Variants in WDFY3 observed in about 807,000 individuals in gnomAD.
The protein encoded by WDFY3 is WD repeat and FYVE domain-containing protein 3.
A neutral mutation model predicts 409.6 loss-of-function variants in WDFY3; 66 were observed. That is an observed-to-expected ratio of 0.16 (90% CI 0.13 to 0.20). The LOEUF (loss-of-function observed/expected upper bound fraction) is 0.20. WDFY3 is among the 10% of genes least tolerant of loss of function. The pLI is 1.00. For missense variants in WDFY3, 3,031 were observed against 4,298.1 expected (o/e 0.71, Z 8.24); for synonymous variants, 1,521 against 1,537.1 (o/e 0.99, Z 0.25).
At chr4:84,677,834 A>G (rs1278498739) in intron 66 of WDFY3, among the ~76,000 whole-genome samples, 1 of 151,496 alleles carries the variant, frequency 6.6e-6, no homozygotes, top group Non-Finnish European at 1.5e-5. Context: ...GTGATGGTGC[A>G]CGCCTATAGT....
chr4:84,925,709 A>G (rs1377009760), intron 2 of WDFY3, among the ~76,000 whole-genome samples: 1 of 152,198 alleles, frequency 6.6e-6, no homozygotes, highest in Non-Finnish European at 1.5e-5. Flanking sequence ...TAATTAATAC[A>G]GTGGTCATGT....
At chr4:84,682,131 T>C (rs1727467681) in intron 64 of WDFY3, among the ~76,000 whole-genome samples, 1 of 152,112 alleles carries the variant, frequency 6.6e-6, no homozygotes, top group African/African-American at 2.4e-5. Flanking sequence ...AGGAAGTAAG[T>C]GCTATATTTA....
At chr4:84,705,914 C>T (rs1731854208) in intron 53 of WDFY3, among the ~76,000 whole-genome samples, 3 of 152,130 alleles carry the variant, frequency 2.0e-5, no homozygotes, top group African/African-American at 7.2e-5. Context: ...TCAGATCTCC[C>T]TTGTGTCCTC....
intron 1 of WDFY3, among the ~76,000 whole-genome samples, chr4:84,965,374 A>C (rs1775501609): frequency 6.6e-6 from 1 of 152,254 alleles, no homozygotes; most frequent in African/African-American, 2.4e-5. Context: ...ACCATTTTTA[A>C]GGTACTGGAA....
intron 42 of WDFY3, among the ~76,000 whole-genome samples, chr4:84,735,599 G>C (rs1338739312): frequency 6.6e-6 from 1 of 152,130 alleles, no homozygotes; most frequent in Non-Finnish European, 1.5e-5. Flanking sequence ...TTGATCCCAA[G>C]GGCACCCCCT....
chr4:84,927,684 A>G (rs1236165911), intron 2 of WDFY3, among the ~76,000 whole-genome samples: 1 of 152,100 alleles, frequency 6.6e-6, no homozygotes, highest in Non-Finnish European at 1.5e-5. Flanking sequence ...TGATGGTTTT[A>G]TAAGTGTCTG....
At chr4:84,817,882 G>A (rs1275258850) in intron 12 of WDFY3, among the ~76,000 whole-genome samples, 1 of 152,112 alleles carries the variant, frequency 6.6e-6, no homozygotes, top group Non-Finnish European at 1.5e-5. Context: ...CAGACCCTAG[G>A]AGACTCTCTA....
intron 2 of WDFY3, among the ~76,000 whole-genome samples, chr4:84,926,536 T>C (rs1414702998): frequency 6.6e-6 from 1 of 152,182 alleles, no homozygotes; most frequent in African/African-American, 2.4e-5. Context: ...CTGAGTTCCC[T>C]TCCAGCTTTT....
At chr4:84,674,665 C>T (rs1725955015) in intron 67 of WDFY3, among the ~76,000 whole-genome samples, 1 of 151,332 alleles carries the variant, frequency 6.6e-6, no homozygotes, top group East Asian at 2.0e-4. Flanking sequence ...GTCAGGAGTT[C>T]GAGACGAGCC....
chr4:84,860,617 C>T lies in WDFY3; in HGVS notation c.-26G>A, dbSNP rs774198486. On this transcript the variant is annotated 5_prime_UTR_variant, in exon 4 of 68. Coordinates refer to ENST00000295888, the MANE Select transcript of WDFY3 (RefSeq NM_014991.6). ...CTTGGCTGGTTGGTGAGACGCACTT[C>T]TAATTCTGTAGGAAAATGTCAATAC... is the stretch of plus-strand genomic sequence containing the variant. The T allele has an allele frequency of 1.3e-6, 2 of 1,572,372 alleles. No homozygotes were observed. The highest frequency in any genetic ancestry group is 4.6e-5 in the East Asian group (2 of 43,868).
intron 40 of WDFY3, among the ~76,000 whole-genome samples, chr4:84,737,924 T>G (rs929784022): frequency 6.6e-6 from 1 of 151,946 alleles, no homozygotes; most frequent in Admixed American, 6.5e-5. Context: ...TAGGTCAGAG[T>G]AGGGCAACAG....
chr4:84,897,681 T>C (rs1025209413), intron 2 of WDFY3, among the ~76,000 whole-genome samples: 1 of 152,156 alleles, frequency 6.6e-6, no homozygotes, highest in East Asian at 1.9e-4. Flanking sequence ...TGGGCAAAGG[T>C]GGCTCTAAAT....
intron 3 of WDFY3, among the ~76,000 whole-genome samples, chr4:84,876,885 T>C (rs1194110395): frequency 6.6e-6 from 1 of 152,210 alleles, no homozygotes; most frequent in African/African-American, 2.4e-5. Context: ...ACATCTTACG[T>C]ATCTCCTGAT....
At chr4:84,784,141 G>A (rs1317324610) in intron 24 of WDFY3, among the ~76,000 whole-genome samples, 1 of 152,054 alleles carries the variant, frequency 6.6e-6, no homozygotes, top group Non-Finnish European at 1.5e-5. Flanking sequence ...CTCACTGACT[G>A]CTACTTCTCA....
chr4:84,738,045 T>C (rs1053842606), intron 40 of WDFY3, among the ~76,000 whole-genome samples: 1 of 152,208 alleles, frequency 6.6e-6, no homozygotes, highest in African/African-American at 2.4e-5. Context: ...ACCGCATCTT[T>C]GGTGTTTAGG....
At chr4:84,782,898 G>A (rs1746815779) in intron 25 of WDFY3, 65 bp downstream of exon 25, 2 of 1,493,886 alleles carry the variant, frequency 1.3e-6, no homozygotes. Flanking sequence ...CCTTAAGTGA[G>A]GAAAGTGAAT....
intron 25 of WDFY3, among the ~76,000 whole-genome samples, chr4:84,781,392 GTT>G (rs1299711060): frequency 7.9e-5 from 10 of 126,932 alleles, no homozygotes; most frequent in Admixed American, 1.6e-4. Context: ...TTTCCCTTTT[GTT>G]TTTTTTTTTT....
intron 23 of WDFY3, among the ~76,000 whole-genome samples, 164 bp from the exon 24 acceptor site, chr4:84,786,303 T>G (rs1296181461): frequency 6.6e-6 from 1 of 152,208 alleles, no homozygotes; most frequent in Non-Finnish European, 1.5e-5. Flanking sequence ...TTTATTTCTT[T>G]AATTAAAAGA....
At chr4:84,782,581 CCT>C (rs1406248882) in intron 25 of WDFY3, among the ~76,000 whole-genome samples, 5 of 152,108 alleles carry the variant, frequency 3.3e-5, no homozygotes, top group Non-Finnish European at 7.4e-5. Flanking sequence ...TGTTCCCGTC[CCT>C]GTGTCCGTAT....
Sources: allele counts gnomAD v4.1 joint callset (sites outside exome capture counted in the v4.1 genomes callset), GRCh38; gene constraint gnomAD v4.1.1; transcripts MANE v1.5; gene names NCBI Gene and HGNC (gene_info 2026-07-23, HGNC 2026-07-21).